SYT17: variants seen among roughly 807,000 people sequenced by gnomAD.
SYT17 encodes synaptotagmin-17.
In SYT17, 22 loss-of-function variants were observed where a neutral mutation model predicts 46.7. That is an observed-to-expected ratio of 0.47 (90% CI 0.34 to 0.67). The LOEUF (loss-of-function observed/expected upper bound fraction) is 0.67, where lower values mean the gene tolerates loss of function less well. SYT17 is among the 30% of genes least tolerant of loss of function. The probability of loss-of-function intolerance (pLI) is 0.01; values close to 1 mark genes in which losing one functional copy is unlikely to be tolerated. For missense variants in SYT17, 519 were observed against 612.8 expected, an observed-to-expected ratio of 0.85 and a Z score of 1.62; for synonymous variants, 251 against 248.4, an observed-to-expected ratio of 1.01 and a Z score of -0.10.
rs192851853 is a variant in SYT17, at chr16:19,258,744, A to C, written c.1229-8136A>C. Among the ~76,000 whole-genome samples the C allele has an allele frequency of 5.3e-5, 8 of 152,310 alleles. No individual in the cohort carries two copies. The East Asian group carries it at 1.5e-3, about 29-fold the overall frequency. On this transcript the variant is annotated intron_variant, in intron 7 of 7. Coordinates refer to ENST00000355377, the MANE Select transcript of SYT17 (RefSeq NM_016524.4). ...AGCTACCAAGCATTTTAGAGTGCCT[A>C]GGACAGCACCGCAAAACACAGAATG... is the stretch of plus-strand genomic sequence containing the variant.
At chr16:19,210,260 C>T (rs1409465189) in intron 5 of SYT17, among the ~76,000 whole-genome samples, 2 of 151,936 alleles carry the variant, frequency 1.3e-5, no homozygotes, top group African/African-American at 2.4e-5. Flanking sequence ...TTAATTGAGA[C>T]GGAGTCTTGC....
In SYT17 at chr16:19,255,517, T is replaced by C. The variant is rs540048726; in HGVS notation, c.1229-11363T>C. On this transcript the variant is annotated intron_variant, in intron 7 of 7. Coordinates refer to ENST00000355377, the MANE Select transcript of SYT17 (RefSeq NM_016524.4). ...ATTAAAAAATTCAGGCCAGGCACGG[T>C]GGCTCACACCTGTAATCCAACACTT... Among the ~76,000 whole-genome samples, 8 of 152,234 alleles carry C rather than the reference T, an allele frequency of 5.3e-5. No homozygotes were observed. The South Asian group carries it at 1.7e-3, about 32-fold the overall frequency.
chr16:19,231,876 C>T (rs1240391705), intron 7 of SYT17, among the ~76,000 whole-genome samples: 1 of 152,158 alleles, frequency 6.6e-6, no homozygotes, highest in Non-Finnish European at 1.5e-5. Flanking sequence ...TAATTAAATG[C>T]CACACCAATA....
chr16:19,169,338 G>A (rs533774670), intron 1 of SYT17, among the ~76,000 whole-genome samples: 6 of 152,142 alleles, frequency 3.9e-5, no homozygotes, highest in Non-Finnish European at 8.8e-5. Flanking sequence ...GGGGCGGAGG[G>A]GTGGGCCGGG....
At chr16:19,196,179 A>T (rs1309239747) in intron 5 of SYT17, among the ~76,000 whole-genome samples, 5 of 151,970 alleles carry the variant, frequency 3.3e-5, no homozygotes, top group Non-Finnish European at 7.4e-5. Flanking sequence ...TTAGAATCTG[A>T]TTTGTGCTTC....
At chr16:19,199,305 T>C (rs536280702) in intron 5 of SYT17, among the ~76,000 whole-genome samples, 2 of 152,280 alleles carry the variant, frequency 1.3e-5, no homozygotes, top group East Asian at 3.9e-4. Context: ...AGGAGGAAAC[T>C]GAGGTCCTGG....
chr16:19,238,091 T>C (rs1966873039), intron 7 of SYT17, among the ~76,000 whole-genome samples: 1 of 152,220 alleles, frequency 6.6e-6, no homozygotes, highest in African/African-American at 2.4e-5. Context: ...AATGGCAGAT[T>C]GGACTGGAGA....
Position 19,183,832 on chromosome 16 carries a change from AC to A in SYT17, c.638del (p.Pro213LeufsTer64). On this transcript the variant is annotated frameshift_variant, in exon 5 of 8. Coordinates refer to ENST00000355377, the MANE Select transcript of SYT17 (RefSeq NM_016524.4). LOFTEE classifies it high-confidence loss of function. This position sits in a 1 kb window ranked among gnomAD's most constrained non-coding sequence, Gnocchi z 5.6. Reference sequence around the variant, plus strand: ...GCGTGATCGAGGCCAGGGACCTGCCACCTCCCATCTCCCACGATGGCTCGCG... The same window carrying A: ...GCGTGATCGAGGCCAGGGACCTGCCACTCCCATCTCCCACGATGGCTCGCG... ...VRVIEARDLPPPISHDGSRQD... is the reference protein window; with the variant it reads ...VRVIEARDLPXPISHDGSRQD... The A allele has an allele frequency of 1.9e-6, 3 of 1,613,888 alleles. No individual in the cohort carries two copies. The highest frequency in any genetic ancestry group is 2.5e-6 in the Non-Finnish European group (3 of 1,179,990).
chr16:19,204,382 G>A (rs1380004553), intron 5 of SYT17, among the ~76,000 whole-genome samples: 1 of 152,092 alleles, frequency 6.6e-6, no homozygotes, highest in Non-Finnish European at 1.5e-5. Context: ...CAGGCATGGG[G>A]GGCTTGGAGG....
At chr16:19,173,675 A>T (rs1179895782) in intron 3 of SYT17, 97 bp downstream of exon 3, 3 of 1,345,566 alleles carry the variant, frequency 2.2e-6, no homozygotes, top group Non-Finnish European at 3.0e-6. Context: ...GGGAGGGAGG[A>T]TTTGGGGGCA....
Position 19,257,284 on chromosome 16 carries a change from A to C in SYT17, c.1229-9596A>C, listed in dbSNP as rs377714174. On this transcript the variant is annotated intron_variant, in intron 7 of 7. Coordinates refer to ENST00000355377, the MANE Select transcript of SYT17 (RefSeq NM_016524.4). ...CCTTAAGTCATGGATGAAACTTCTT[A>C]GAACCAAAGAAATGTCATAGCTAAA... Among the ~76,000 whole-genome samples the C allele has an allele frequency of 3.6e-4, 55 of 152,264 alleles. 1 individual carries two copies. In the South Asian group the frequency reaches 0.011, roughly 32 times the overall value.
chr16:19,267,126 C>CG lies in SYT17; in HGVS notation c.*52dup. 1.1e-6 allele frequency: 1 copy of CG among 904,184 alleles called. No homozygotes were observed. Among genetic ancestry groups the CG allele is most frequent in the Non-Finnish European group, 1.6e-6 (1 of 635,004 alleles). The allele number at this position is 904,184 out of a possible 1,614,324, so 56.0% of individuals were successfully genotyped here. On this transcript the variant is annotated 3_prime_UTR_variant, in exon 8 of 8. Coordinates refer to ENST00000355377, the MANE Select transcript of SYT17 (RefSeq NM_016524.4). ...TTTGTTTAAAAAAAAAAAAAAAAGA[C>CG]GGAAAAAAATGTGTCACATACTATT...
At chr16:19,232,839 TAAACAA>T (rs1207530973) in intron 7 of SYT17, among the ~76,000 whole-genome samples, 1 of 150,116 alleles carries the variant, frequency 6.7e-6, no homozygotes, top group Non-Finnish European at 1.5e-5. Flanking sequence ...CTCAAAAACA[TAAACAA>T]ACAAACAAAC....
At chr16:19,190,360 A>C (rs1396913226) in intron 5 of SYT17, among the ~76,000 whole-genome samples, 2 of 152,176 alleles carry the variant, frequency 1.3e-5, no homozygotes, top group Non-Finnish European at 2.9e-5. Context: ...AGCAAGAGTG[A>C]AACTCCGTCT....
At chr16:19,191,948 T>A (rs79824050) in intron 5 of SYT17, among the ~76,000 whole-genome samples, 32 of 152,050 alleles carry the variant, frequency 2.1e-4, no homozygotes, top group African/African-American at 7.5e-4. Flanking sequence ...CCACACCCAG[T>A]TAATTTTTTG....
chr16:19,260,503 C>CAAA (rs58392770), intron 7 of SYT17, among the ~76,000 whole-genome samples: 51 of 76,182 alleles, frequency 6.7e-4, no homozygotes, highest in South Asian at 1.8e-3. Context: ...GACCTTGTCT[C>CAAA]AAAAAAAAAA....
chr16:19,172,850 T>G, intron 2 of SYT17, 73 bp downstream of exon 2: 1 of 1,528,142 alleles, frequency 6.5e-7, no homozygotes. Context: ...TGGAGTCTTA[T>G]GTGGGGCTGT....
At chr16:19,181,300 C>T (rs776693651) in intron 4 of SYT17, among the ~76,000 whole-genome samples, 8 of 152,180 alleles carry the variant, frequency 5.3e-5, no homozygotes, top group Non-Finnish European at 8.8e-5. Flanking sequence ...GGAGGACAAA[C>T]ACCCAGAGGC....
At chr16:19,204,131 C>T (rs1965575866) in intron 5 of SYT17, among the ~76,000 whole-genome samples, 1 of 152,144 alleles carries the variant, frequency 6.6e-6, no homozygotes, top group South Asian at 2.1e-4. Flanking sequence ...CTCGTCACAC[C>T]TTGGGCTGGA....
Sources: gnomAD v4.1 joint callset for allele counts (sites outside exome capture counted in the v4.1 genomes callset) on GRCh38, gnomAD v4.1.1 for gene constraint, Gnocchi (gnomAD v3.1) non-coding constraint, MANE v1.5 for transcripts, NCBI Gene and HGNC (gene_info 2026-07-23, HGNC 2026-07-21) for gene names.